Variants in IQGAP2 observed in about 807,000 individuals in gnomAD.
IQGAP2 encodes IQ motif containing GTPase activating protein 2, also known as ras GTPase-activating-like protein IQGAP2.
Under a neutral mutation model 201.3 loss-of-function variants are expected in IQGAP2, and 173 were observed. The observed-to-expected ratio is 0.86, with a 90% CI of 0.76 to 0.98. The LOEUF is 0.98. Among genes scored for constraint, IQGAP2 ranks in the 50% least tolerant of loss-of-function variants. The pLI, the probability that IQGAP2 is intolerant of heterozygous loss-of-function variation, is 0.00. For synonymous variants in IQGAP2, 675 were observed against 673.9 expected, an observed-to-expected ratio of 1.00 and a Z score of -0.03; for missense variants, 1,687 against 1,864.8, an observed-to-expected ratio of 0.90 and a Z score of 1.76.
chr5:76,426,935 T>A (rs1004748312), intron 1 of IQGAP2, among the ~76,000 whole-genome samples: 3 of 151,394 alleles, frequency 2.0e-5, no homozygotes, highest in African/African-American at 7.3e-5. Flanking sequence ...TGTGTGTGTG[T>A]GAGTGTGTGC....
chr5:76,468,661 G>A (rs899751786), intron 2 of IQGAP2, among the ~76,000 whole-genome samples: 3 of 152,156 alleles, frequency 2.0e-5, no homozygotes, highest in Admixed American at 2.0e-4. Flanking sequence ...AAAACTCTGA[G>A]CAAACTCCTT....
At chr5:76,553,585 A>G (rs1743709578) in intron 2 of IQGAP2, among the ~76,000 whole-genome samples, 1 of 152,198 alleles carries the variant, frequency 6.6e-6, no homozygotes, top group Non-Finnish European at 1.5e-5. Flanking sequence ...TGTTTGCTTC[A>G]GGATTTTTGT....
chr5:76,446,984 A>G (rs1753426001), intron 1 of IQGAP2, among the ~76,000 whole-genome samples: 2 of 152,236 alleles, frequency 1.3e-5, no homozygotes, highest in South Asian at 4.1e-4. Flanking sequence ...CAGGGGCACC[A>G]GTGCATTAAG....
At chr5:76,504,136 C>T (rs907058182) in intron 2 of IQGAP2, among the ~76,000 whole-genome samples, 2 of 152,162 alleles carry the variant, frequency 1.3e-5, no homozygotes, top group Non-Finnish European at 2.9e-5. Context: ...GAGGAGCTTG[C>T]TTCCTCCAAA....
intron 1 of IQGAP2, among the ~76,000 whole-genome samples, chr5:76,458,949 C>T (rs755427740): frequency 3.3e-5 from 5 of 152,104 alleles, no homozygotes; most frequent in African/African-American, 9.7e-5. Flanking sequence ...GACACAAATA[C>T]GTCTTCTAGG....
At chr5:76,706,274 A>C (rs1747884313) in intron 35 of IQGAP2, among the ~76,000 whole-genome samples, 1 of 152,160 alleles carries the variant, frequency 6.6e-6, no homozygotes, top group Non-Finnish European at 1.5e-5. Context: ...TTGCTTCCCC[A>C]GTGAATGTCT....
intron 17 of IQGAP2, among the ~76,000 whole-genome samples, chr5:76,643,553 A>G (rs1751760841): frequency 6.6e-6 from 1 of 152,196 alleles, no homozygotes. Flanking sequence ...CAGAAGGCAG[A>G]TAATGGGGAT....
chr5:76,470,979 T>C (rs1449659042), intron 2 of IQGAP2, among the ~76,000 whole-genome samples: 1 of 152,248 alleles, frequency 6.6e-6, no homozygotes, highest in Non-Finnish European at 1.5e-5. Context: ...GAATTAGTAC[T>C]GCTGAGTAGA....
intron 30 of IQGAP2, among the ~76,000 whole-genome samples, chr5:76,692,618 A>G (rs1746367740): frequency 6.6e-6 from 1 of 152,206 alleles, no homozygotes; most frequent in South Asian, 2.1e-4. Flanking sequence ...AAGAACACCT[A>G]TGAGAGAACT....
At chr5:76,534,693 C>T (rs1263408599) in intron 2 of IQGAP2, among the ~76,000 whole-genome samples, 1 of 152,108 alleles carries the variant, frequency 6.6e-6, no homozygotes, top group East Asian at 1.9e-4. Context: ...CCTTTAAGGC[C>T]TGATTAACCT....
intron 1 of IQGAP2, among the ~76,000 whole-genome samples, chr5:76,425,467 T>G (rs1751943466): frequency 6.6e-6 from 1 of 152,142 alleles, no homozygotes; most frequent in Non-Finnish European, 1.5e-5. Context: ...GAAATGCTTA[T>G]TCAGGAAGCA....
chr5:76,660,747 A>G (rs1050533123), intron 21 of IQGAP2, among the ~76,000 whole-genome samples: 2 of 152,222 alleles, frequency 1.3e-5, no homozygotes, highest in East Asian at 1.9e-4. Flanking sequence ...TAAATTAATG[A>G]TTATTAAATA....
chr5:76,582,287 G>C (rs1186859155), intron 5 of IQGAP2, among the ~76,000 whole-genome samples: 1 of 152,198 alleles, frequency 6.6e-6, no homozygotes, highest in Admixed American at 6.5e-5. Flanking sequence ...CTTCAGCACA[G>C]GCCTCTCAGC....
intron 25 of IQGAP2, 49 bp from the exon 26 acceptor site, chr5:76,673,903 A>T: frequency 9.0e-7 from 1 of 1,111,646 alleles, no homozygotes; most frequent in South Asian, 1.3e-5. Context: ...TTTTTTCCTC[A>T]CTCCGCCTTT....
At chr5:76,533,996 A>G (rs1443222523) in intron 2 of IQGAP2, among the ~76,000 whole-genome samples, 1 of 152,168 alleles carries the variant, frequency 6.6e-6, no homozygotes, top group Admixed American at 6.5e-5. Flanking sequence ...ATGAATAATG[A>G]CTTTGTGTTG....
intron 2 of IQGAP2, among the ~76,000 whole-genome samples, chr5:76,528,047 C>A (rs1454533430): frequency 1.3e-5 from 2 of 152,230 alleles, no homozygotes; most frequent in Non-Finnish European, 2.9e-5. Flanking sequence ...GCCATCTAGA[C>A]CTCAGGTGAG....
intron 1 of IQGAP2, among the ~76,000 whole-genome samples, chr5:76,428,414 G>C (rs1175996785): frequency 6.6e-6 from 1 of 151,748 alleles, no homozygotes. Context: ...TCTGCGCCAG[G>C]AGTTTGCTTT....
chr5:76,620,038 C>G (rs1289595411), intron 13 of IQGAP2, among the ~76,000 whole-genome samples: 1 of 152,106 alleles, frequency 6.6e-6, no homozygotes, highest in Non-Finnish European at 1.5e-5. Context: ...CCTAGAGCCT[C>G]GAGAATGAAC....
chr5:76,587,197 G>C (rs1017525217), intron 5 of IQGAP2, among the ~76,000 whole-genome samples: 2 of 152,172 alleles, frequency 1.3e-5, no homozygotes, highest in East Asian at 3.9e-4. Flanking sequence ...AAGGAAAAAG[G>C]GTGTTTTTTA....
Sources: gnomAD v4.1 joint callset for allele counts (sites outside exome capture counted in the v4.1 genomes callset) on GRCh38, gnomAD v4.1.1 for gene constraint, MANE v1.5 for transcripts, NCBI Gene and HGNC (gene_info 2026-07-23, HGNC 2026-07-21) for gene names.